Variants in TAFA2 observed in about 807,000 individuals in gnomAD.
The protein encoded by TAFA2 is TAFA chemokine like family member 2.
In TAFA2, 7 loss-of-function variants were observed where a neutral mutation model predicts 18.8. The ratio of observed to expected loss-of-function variants is 0.37; its 90% CI spans 0.21 to 0.70. TAFA2 has a LOEUF of 0.70. Among genes scored for constraint, TAFA2 ranks in the 30% least tolerant of loss-of-function variants. The pLI is 0.53. For synonymous variants in TAFA2, 60 were observed against 54.2 expected (o/e 1.11, Z -0.47); for missense variants, 122 against 158.1 (o/e 0.77, Z 1.23).
intron 2 of TAFA2, among the ~76,000 whole-genome samples, chr12:61,785,913 T>G (rs1456919063): frequency 6.6e-6 from 1 of 151,074 alleles, no homozygotes; most frequent in Non-Finnish European, 1.5e-5. Flanking sequence ...TTAAAAAAAA[T>G]TAGGGAGGGG....
rs577083194 is a variant in TAFA2 at position 61,982,833 on chromosome 12, A to T, written c.-1-115407T>A. 2.9e-5 allele frequency among the ~76,000 whole-genome samples: 4 copies of T among 139,074 alleles called. No homozygotes were observed. The South Asian group carries it at 9.4e-4, about 33-fold the overall frequency. The allele number at this position is 139,074 out of a possible 152,430, so 91.2% of individuals were successfully genotyped here. A position where few individuals can be genotyped will look rare whatever the true frequency, so the allele number is the denominator to read the frequency against. ...ACTTCATTTCACTAAGTGCTACCAG[A>T]TTGCCTTCCAGAATGACTATATTCC... is the stretch of plus-strand genomic sequence containing the variant. On this transcript the variant is annotated intron_variant, in intron 1 of 4. Coordinates refer to ENST00000416284, the MANE Select transcript of TAFA2 (RefSeq NM_178539.5).
chr12:62,054,722 T>C (rs1882141978), intron 1 of TAFA2, among the ~76,000 whole-genome samples: 1 of 152,226 alleles, frequency 6.6e-6, no homozygotes, highest in Non-Finnish European at 1.5e-5. Flanking sequence ...TCTATAAAGC[T>C]GTGTTCTAAA....
intron 1 of TAFA2, among the ~76,000 whole-genome samples, chr12:61,949,732 A>AT (rs144875111): frequency 0.013 from 1,963 of 152,180 alleles, 51 homozygotes; most frequent in African/African-American, 0.045. Flanking sequence ...CTCCTGGATA[A>AT]TTTTTTTAAT....
chr12:61,981,821 G>T (rs765192818), intron 1 of TAFA2, among the ~76,000 whole-genome samples: 1 of 151,860 alleles, frequency 6.6e-6, no homozygotes, highest in Non-Finnish European at 1.5e-5. Context: ...AGATGCTGGA[G>T]AGGATGTCCC....
intron 1 of TAFA2, among the ~76,000 whole-genome samples, chr12:61,905,317 T>C (rs538984896): frequency 2.0e-5 from 3 of 152,236 alleles, no homozygotes; most frequent in Non-Finnish European, 4.4e-5. Context: ...ATAACTTAAG[T>C]ACCACAAAAG....
chr12:62,162,064 T>C (rs1032042654), intron 1 of TAFA2, among the ~76,000 whole-genome samples: 8 of 152,212 alleles, frequency 5.3e-5, no homozygotes, highest in African/African-American at 7.2e-5. Flanking sequence ...TTGAAATGTA[T>C]GTAAATCCTT....
At chr12:62,001,470 T>C (rs143544762) in intron 1 of TAFA2, among the ~76,000 whole-genome samples, 1,795 of 152,258 alleles carry the variant, frequency 0.012, 9 homozygotes, top group Non-Finnish European at 0.018. Flanking sequence ...GATGGTCCCA[T>C]CTTGGGGTGA....
intron 1 of TAFA2, among the ~76,000 whole-genome samples, chr12:61,996,919 A>G (rs188389516): frequency 5.1e-4 from 78 of 152,320 alleles, no homozygotes; most frequent in African/African-American, 1.9e-3. Flanking sequence ...AATCCTGCTT[A>G]GTCTGCACAT....
chr12:61,754,197 T>A (rs1869153864), intron 3 of TAFA2, among the ~76,000 whole-genome samples: 1 of 151,946 alleles, frequency 6.6e-6, no homozygotes, highest in African/African-American at 2.4e-5. Context: ...AATATTCCCA[T>A]GAATAAGATG....
At chr12:61,947,545 G>C (rs349873) in intron 1 of TAFA2, among the ~76,000 whole-genome samples, 2 of 151,998 alleles carry the variant, frequency 1.3e-5, no homozygotes, top group African/African-American at 4.8e-5. Flanking sequence ...GAAAACTAAT[G>C]ATGTGTTCTG....
At chr12:62,007,102 G>A (rs1464006687) in intron 1 of TAFA2, among the ~76,000 whole-genome samples, 2 of 152,000 alleles carry the variant, frequency 1.3e-5, no homozygotes, top group African/African-American at 4.8e-5. Flanking sequence ...CATTCTTCCT[G>A]GCCCCCATGC....
At chr12:62,114,339 C>G (rs1869867893) in intron 1 of TAFA2, among the ~76,000 whole-genome samples, 1 of 152,160 alleles carries the variant, frequency 6.6e-6, no homozygotes, top group African/African-American at 2.4e-5. Flanking sequence ...TAACCAGTCC[C>G]AATGAGATGA....
chr12:62,091,656 A>C (rs949716707), intron 1 of TAFA2, among the ~76,000 whole-genome samples: 1 of 151,856 alleles, frequency 6.6e-6, no homozygotes, highest in Admixed American at 6.6e-5. Flanking sequence ...CATTTTTATC[A>C]TTACCCATAC....
intron 1 of TAFA2, among the ~76,000 whole-genome samples, chr12:62,074,982 G>A (rs927684379): frequency 1.6e-4 from 25 of 152,058 alleles, no homozygotes; most frequent in African/African-American, 4.3e-4. Flanking sequence ...GATTACAGGC[G>A]TGAGCCACCA....
intron 1 of TAFA2, among the ~76,000 whole-genome samples, chr12:62,074,892 G>T (rs1369637322): frequency 1.3e-5 from 2 of 151,768 alleles, no homozygotes; most frequent in Non-Finnish European, 2.9e-5. Flanking sequence ...AGTAGAGATG[G>T]GGTTTTGCCA....
chr12:61,789,549 G>A (rs1870885694), intron 2 of TAFA2, among the ~76,000 whole-genome samples: 1 of 151,804 alleles, frequency 6.6e-6, no homozygotes, highest in Non-Finnish European at 1.5e-5. Flanking sequence ...CAGGAGGCTG[G>A]GGGCTAAGAG....
At chr12:61,820,168 T>C (rs1192291926) in intron 2 of TAFA2, among the ~76,000 whole-genome samples, 2 of 152,048 alleles carry the variant, frequency 1.3e-5, no homozygotes, top group African/African-American at 4.8e-5. Flanking sequence ...TTTCATGACA[T>C]TATAGATCAA....
intron 2 of TAFA2, among the ~76,000 whole-genome samples, chr12:61,811,131 G>T (rs959723103): frequency 2.6e-5 from 4 of 151,030 alleles, no homozygotes; most frequent in Non-Finnish European, 5.9e-5. Flanking sequence ...GTTTTTAAAC[G>T]GCAATGTCCA....
intron 4 of TAFA2, among the ~76,000 whole-genome samples, chr12:61,733,484 T>A (rs1218888311): frequency 1.1e-4 from 17 of 151,732 alleles, no homozygotes; most frequent in Non-Finnish European, 2.5e-4. Flanking sequence ...TTCAGCTTTC[T>A]ACATATGGCT....
Sources: allele counts gnomAD v4.1 joint callset (sites outside exome capture counted in the v4.1 genomes callset), GRCh38; gene constraint gnomAD v4.1.1; transcripts MANE v1.5; gene names NCBI Gene and HGNC (gene_info 2026-07-23, HGNC 2026-07-21).